The following LRP1B variants were observed in gnomAD, a reference collection of about 807,000 sequenced individuals.
LRP1B encodes the protein low-density lipoprotein receptor-related protein 1B.
A neutral mutation model predicts 556.6 loss-of-function variants in LRP1B; 217 were observed. That is an observed-to-expected ratio of 0.39 (90% CI 0.35 to 0.44). The LOEUF is 0.44. Among genes scored for constraint, LRP1B ranks in the 20% least tolerant of loss-of-function variants. The probability of loss-of-function intolerance (pLI) is 1.00; values close to 1 mark genes in which losing one functional copy is unlikely to be tolerated. For synonymous variants in LRP1B, 2,047 were observed against 1,865.8 expected, an observed-to-expected ratio of 1.10 and a Z score of -2.50; for missense variants, 5,053 against 5,620.8, an observed-to-expected ratio of 0.90 and a Z score of 3.23.
chr2:141,140,381 G>T (rs1701617212), intron 7 of LRP1B, among the ~76,000 whole-genome samples: 1 of 152,018 alleles, frequency 6.6e-6, no homozygotes. Context: ...TTCTTAAAAA[G>T]ATTAAATGAT....
intron 55 of LRP1B, among the ~76,000 whole-genome samples, chr2:140,498,699 G>T (rs187251709): frequency 6.6e-6 from 1 of 151,762 alleles, no homozygotes; most frequent in African/African-American, 2.4e-5. Context: ...TTTGCAACGT[G>T]GTAGAAGCAT....
chr2:141,618,638 T>C (rs1437716833), intron 2 of LRP1B, among the ~76,000 whole-genome samples: 1 of 152,222 alleles, frequency 6.6e-6, no homozygotes, highest in African/African-American at 2.4e-5. Context: ...AGGATGCCAC[T>C]ACAATAGTCT....
chr2:140,385,775 A>G, intron 67 of LRP1B, 118 bp downstream of exon 67: 1 of 717,634 alleles, frequency 1.4e-6, no homozygotes. Context: ...GAATATATGC[A>G]TAAAAATGTG....
chr2:140,286,848 A>T (rs1421976789), intron 84 of LRP1B, among the ~76,000 whole-genome samples: 3 of 151,790 alleles, frequency 2.0e-5, no homozygotes, highest in Non-Finnish European at 4.4e-5. Context: ...TTATAAAAAT[A>T]AATATCTGCA....
chr2:141,239,764 C>T lies in LRP1B; in HGVS notation c.592+7462G>A, dbSNP rs1573698006. Among the ~76,000 whole-genome samples, 3 of 151,910 alleles carry T rather than the reference C, an allele frequency of 2.0e-5. No individual in the cohort carries two copies. In the East Asian group the frequency reaches 5.8e-4, roughly 29 times the overall value. The stretch of plus-strand genomic sequence containing the variant: ...TTCTCAAGGAAATATGAAATAAGAT[C>T]GTCACCTCACAATAAGGAGAAGGGA... On this transcript the variant is annotated intron_variant, in intron 5 of 90. Transcript: ENST00000389484.
chr2:141,015,840 A>G lies in LRP1B; in HGVS notation c.2046T>C (p.Asp682=). ...SVGRIEKAWM[D]GFNRQIFVTS... ...TCACAAAAATCTGCCGATTGAATCC[A>G]TCCATCCAGGCCTTCTCAATCCTTC... is the stretch of plus-strand genomic sequence containing the variant. Residue 682 remains aspartate (D), a synonymous_variant, in exon 13 of 91, where the codon GAT becomes GAC. Transcript: ENST00000389484. The G allele has an allele frequency of 1.2e-6, 2 of 1,613,670 alleles. No homozygotes were observed. The highest frequency in any genetic ancestry group is 1.7e-6 in the Non-Finnish European group (2 of 1,179,792).
At chr2:140,613,328 T>TATAA (rs1683135539) in intron 41 of LRP1B, among the ~76,000 whole-genome samples, 1 of 112,636 alleles carries the variant, frequency 8.9e-6, no homozygotes, top group Non-Finnish European at 1.9e-5. Context: ...TATAAATATA[T>TATAA]ATAATTATAT....
chr2:141,078,345 G>T (rs1010447488), intron 7 of LRP1B, among the ~76,000 whole-genome samples: 2 of 152,020 alleles, frequency 1.3e-5, no homozygotes, highest in Non-Finnish European at 2.9e-5. Context: ...TTCTCCCACA[G>T]AATTTCAGTC....
At chr2:140,556,734 T>TA (rs1451709333) in intron 43 of LRP1B, among the ~76,000 whole-genome samples, 11 of 113,412 alleles carry the variant, frequency 9.7e-5, no homozygotes, top group East Asian at 9.0e-4. Context: ...ACAAACAAAT[T>TA]TAAAAAAAAA....
At chr2:140,454,602 T>C (rs1452306061) in intron 62 of LRP1B, among the ~76,000 whole-genome samples, 1 of 152,184 alleles carries the variant, frequency 6.6e-6, no homozygotes, top group Non-Finnish European at 1.5e-5. Flanking sequence ...TGATAGACTA[T>C]TGGGGGTATT....
chr2:141,922,803 G>A (rs565647056), intron 1 of LRP1B, among the ~76,000 whole-genome samples: 1 of 152,084 alleles, frequency 6.6e-6, no homozygotes, highest in Admixed American at 6.6e-5. Flanking sequence ...GCTATAAATG[G>A]GAATGATAAA....
chr2:140,792,675 G>T (rs902634824), intron 32 of LRP1B, among the ~76,000 whole-genome samples: 1 of 151,766 alleles, frequency 6.6e-6, no homozygotes, highest in African/African-American at 2.4e-5. Flanking sequence ...AATTTAAAAA[G>T]AAAAAAATAA....
intron 20 of LRP1B, among the ~76,000 whole-genome samples, chr2:140,939,428 T>C (rs1695327985): frequency 6.6e-6 from 1 of 150,446 alleles, no homozygotes; most frequent in Non-Finnish European, 1.5e-5. Flanking sequence ...TATTACACAA[T>C]TAGTTGCCTA....
chr2:140,758,030 T>C (rs1688795359), intron 35 of LRP1B, among the ~76,000 whole-genome samples: 1 of 152,168 alleles, frequency 6.6e-6, no homozygotes. Flanking sequence ...TCTGTAAATA[T>C]ACTGAAAACC....
intron 1 of LRP1B, among the ~76,000 whole-genome samples, chr2:142,025,954 C>T (rs1328051517): frequency 6.6e-6 from 1 of 152,200 alleles, no homozygotes; most frequent in African/African-American, 2.4e-5. Context: ...CTCTCCATTG[C>T]CTGTAAGCTC....
At chr2:140,298,027 A>C (rs1683677562) in intron 83 of LRP1B, 58 bp from the exon 84 acceptor site, 1 of 1,488,708 alleles carries the variant, frequency 6.7e-7, no homozygotes, top group Non-Finnish European at 9.1e-7. Flanking sequence ...GTTTATTTTC[A>C]AGGAATTTTC....
chr2:141,861,396 G>C (rs1396333708), intron 1 of LRP1B, among the ~76,000 whole-genome samples: 1 of 152,190 alleles, frequency 6.6e-6, no homozygotes, highest in Non-Finnish European at 1.5e-5. Flanking sequence ...TTTGGCTGAT[G>C]TTCCAACCAT....
chr2:141,033,607 C>T (rs1010026185), intron 11 of LRP1B, among the ~76,000 whole-genome samples: 5 of 151,696 alleles, frequency 3.3e-5, no homozygotes, highest in Middle Eastern at 3.4e-3. Flanking sequence ...GAAGGTGAGG[C>T]CTTTGGGAGG....
At chr2:141,029,222 C>A (rs370113622) in intron 11 of LRP1B, among the ~76,000 whole-genome samples, 1 of 152,020 alleles carries the variant, frequency 6.6e-6, no homozygotes, top group African/African-American at 2.4e-5. Context: ...GCCTTTTCCC[C>A]CTGTGAACTT....
Sources: gnomAD v4.1 joint callset for allele counts (sites outside exome capture counted in the v4.1 genomes callset) on GRCh38, gnomAD v4.1.1 for gene constraint, MANE v1.5 for transcripts, NCBI Gene and HGNC (gene_info 2026-07-23, HGNC 2026-07-21) for gene names.